The following FGL1 variants were observed in gnomAD, a reference collection of about 807,000 sequenced individuals.
FGL1 encodes fibrinogen-like protein 1.
FGL1 carries 59 observed loss-of-function variants against 43.7 expected under a neutral mutation model. The observed-to-expected ratio is 1.35, with a 90% CI of 1.10 to 1.68. FGL1 has a LOEUF of 1.68. FGL1 is among the 40% of genes most tolerant of loss of function. The probability of loss-of-function intolerance (pLI) is 0.00; values close to 1 mark genes in which losing one functional copy is unlikely to be tolerated. For synonymous variants in FGL1, 192 were observed against 126.5 expected, an observed-to-expected ratio of 1.52 and a Z score of -3.48; for missense variants, 596 against 373.0, an observed-to-expected ratio of 1.60 and a Z score of -4.92.
At chr8:17,886,033 C>A (rs1011550591) in intron 1 of FGL1, among the ~76,000 whole-genome samples, 1 of 152,152 alleles carries the variant, frequency 6.6e-6, no homozygotes, top group Admixed American at 6.5e-5. Flanking sequence ...GGATTACAGG[C>A]GTGAGCCACT....
intron 5 of FGL1, 141 bp downstream of exon 5, chr8:17,873,878 T>C (rs2053402273): frequency 6.1e-6 from 3 of 489,494 alleles, no homozygotes; most frequent in Middle Eastern, 5.5e-4. Context: ...ACATTTGGGA[T>C]TATTGCCCAA....
chr8:17,889,118 G>A (rs2053669314), intron 1 of FGL1, among the ~76,000 whole-genome samples: 1 of 152,148 alleles, frequency 6.6e-6, no homozygotes, highest in African/African-American at 2.4e-5. Context: ...ACCTCTGCAA[G>A]GCTGCAATAT....
chr8:17,874,164 T>G (rs1215844435), intron 4 of FGL1, 48 bp from the exon 5 acceptor site: 1 of 1,513,038 alleles, frequency 6.6e-7, no homozygotes, highest in Non-Finnish European at 9.1e-7. Flanking sequence ...CCATTTGTGG[T>G]ACCAAAGCGA....
chr8:17,865,988 T>C (rs1176401294), intron 7 of FGL1, among the ~76,000 whole-genome samples: 5 of 152,224 alleles, frequency 3.3e-5, no homozygotes, highest in Admixed American at 3.3e-4. Flanking sequence ...TGTCAAAGCC[T>C]ACTGTGTTTT....
intron 2 of FGL1, among the ~76,000 whole-genome samples, chr8:17,884,109 C>A (rs1585145762): frequency 8.2e-6 from 1 of 122,140 alleles, no homozygotes; most frequent in African/African-American, 3.0e-5. Flanking sequence ...TCCTTCTTTT[C>A]TTTTCTTTCT....
In FGL1 at chr8:17,868,680, G is replaced by A. The variant is rs766665979; in HGVS notation, c.647C>T (p.Ala216Val). ...EYSGTAGDSL[A>V]GNFHPEVQWW... is the part of the protein sequence containing the mutation. ...CTGCACCTCAGGATGAAAATTCCCC[G>A]CAAGGGAATCTCCAGCTGTTCCAGA... The change falls in exon 7 of 8, where the codon GCG becomes GTG. Residue 216 changes from alanine to valine, a missense_variant. By Grantham distance (64) the Ala-to-Val change is moderately conservative (BLOSUM62 0). Coordinates refer to ENST00000427924, the MANE Select transcript of FGL1 (RefSeq NM_004467.4). The A allele has an allele frequency of 1.4e-5, 23 of 1,613,686 alleles. No homozygotes were observed. The highest frequency in any genetic ancestry group is 5.5e-5 in the South Asian group (5 of 91,020).
intron 6 of FGL1, 86 bp downstream of exon 6, chr8:17,868,830 T>C (rs1401059461): frequency 5.5e-6 from 8 of 1,466,078 alleles, no homozygotes; most frequent in Non-Finnish European, 6.5e-6. Flanking sequence ...GGTTCTATTG[T>C]ATATTTTTAT....
At chr8:17,882,320 G>C in intron 2 of FGL1, 141 bp from the exon 3 acceptor site, 1 of 801,996 alleles carries the variant, frequency 1.2e-6, no homozygotes, top group Non-Finnish European at 1.9e-6. Flanking sequence ...AAAGTGGCTT[G>C]AAAAGTTCTA....
chr8:17,874,198 C>T (rs116032579), intron 4 of FGL1, 82 bp from the exon 5 acceptor site: 1 of 1,348,146 alleles, frequency 7.4e-7, no homozygotes, highest in Admixed American at 2.0e-5. Flanking sequence ...CCTGCTACCA[C>T]CACCTCCAAT....
At position 17,893,207 on chromosome 8, in the gene FGL1, C is replaced by T. The variant is rs143647309; in HGVS notation, c.-18+2240G>A. ...CAGAGTGAGACTCCATCTCAAAAAA[C>T]AAACAAACAAACAACAACAACAAAA... On this transcript the variant is annotated intron_variant, in intron 1 of 7. Transcript: ENST00000427924. Among the ~76,000 whole-genome samples the T allele has an allele frequency of 4.6e-3, 692 of 151,984 alleles. 5 individuals carry two copies. Among genetic ancestry groups the T allele is most frequent in the African/African-American group, 0.016 (662 of 41,474 alleles).
At chr8:17,865,331 G>A (rs1431150141) in intron 7 of FGL1, among the ~76,000 whole-genome samples, 3 of 152,156 alleles carry the variant, frequency 2.0e-5, no homozygotes, top group African/African-American at 7.2e-5. Flanking sequence ...CAAGTCGTGG[G>A]CAAGGTGCTC....
chr8:17,891,849 C>T, intron 1 of FGL1: 1 of 964,952 alleles, frequency 1.0e-6, no homozygotes, highest in Non-Finnish European at 1.2e-6. Flanking sequence ...ATGAATTATG[C>T]TTTTCATAAA....
At chr8:17,873,132 C>A (rs1337744834) in intron 5 of FGL1, among the ~76,000 whole-genome samples, 1 of 152,154 alleles carries the variant, frequency 6.6e-6, no homozygotes, top group African/African-American at 2.4e-5. Flanking sequence ...GTTCACCTCT[C>A]TCTCATAATA....
Position 17,895,497 on chromosome 8 carries a change from C to G in FGL1, c.-68G>C. 1 of 1,287,054 alleles carries G rather than the reference C, an allele frequency of 7.8e-7. No homozygotes were observed. The highest frequency in any genetic ancestry group is 1.5e-5 in the African/African-American group (1 of 65,910). 79.7% of individuals were successfully genotyped at this position (1,287,054 alleles called of 1,614,324 possible). A position where few individuals can be genotyped will look rare whatever the true frequency, so the allele number is the denominator to read the frequency against. ...CCAGCTCAGGTTCCATCCAGACACT[C>G]TGCTTCCCAGGATCCTGTAACTGCA... On this transcript the variant is annotated 5_prime_UTR_variant, in exon 1 of 8. Transcript: ENST00000427924.
intron 6 of FGL1, 23 bp from the exon 7 acceptor site, chr8:17,868,758 C>A (rs1473749406): frequency 6.3e-7 from 1 of 1,596,742 alleles, no homozygotes; most frequent in East Asian, 2.2e-5. Flanking sequence ...GGCATTTCTG[C>A]TGTCAGTGGA....
intron 7 of FGL1, among the ~76,000 whole-genome samples, chr8:17,865,961 T>C (rs1703827474): frequency 6.6e-6 from 1 of 152,342 alleles, no homozygotes; most frequent in African/African-American, 2.4e-5. Flanking sequence ...TGAAAATATG[T>C]ATGTCAAGTC....
intron 1 of FGL1, chr8:17,891,801 C>G: frequency 1.0e-6 from 1 of 984,280 alleles, no homozygotes; most frequent in Non-Finnish European, 1.2e-6. Flanking sequence ...TTCCCTCCAT[C>G]TTCACCCTTC....
At chr8:17,881,761 T>C (rs1176400988) in intron 3 of FGL1, among the ~76,000 whole-genome samples, 1 of 148,906 alleles carries the variant, frequency 6.7e-6, no homozygotes, top group East Asian at 2.0e-4. Flanking sequence ...GTGAACCTGG[T>C]AGACGGAGCT....
At chr8:17,875,946 T>C (rs1343956210) in intron 3 of FGL1, among the ~76,000 whole-genome samples, 1 of 152,100 alleles carries the variant, frequency 6.6e-6, no homozygotes, top group East Asian at 1.9e-4. Context: ...GAGGGTGATG[T>C]AAATTAATAC....
Sources: gnomAD v4.1 joint callset for allele counts (sites outside exome capture counted in the v4.1 genomes callset) on GRCh38, gnomAD v4.1.1 for gene constraint, MANE v1.5 for transcripts, NCBI Gene and HGNC (gene_info 2026-07-23, HGNC 2026-07-21) for gene names.